Variants in EYS observed in about 807,000 individuals in gnomAD.
The protein encoded by EYS is EGF-like photoreceptor maintenance factor.
Under a neutral mutation model 282.1 loss-of-function variants are expected in EYS, and 250 were observed. The observed-to-expected ratio is 0.89, with a 90% CI of 0.80 to 0.98. EYS has a LOEUF of 0.98. Among genes scored for constraint, EYS ranks in the 50% least tolerant of loss-of-function variants. The pLI, the probability that EYS is intolerant of heterozygous loss-of-function variation, is 0.00. For synonymous variants in EYS, 1,355 were observed against 1,282.9 expected, an observed-to-expected ratio of 1.06 and a Z score of -1.20; for missense variants, 4,016 against 3,709.0, an observed-to-expected ratio of 1.08 and a Z score of -2.15.
chr6:64,874,716 A>T (rs1766691629), intron 19 of EYS, among the ~76,000 whole-genome samples: 1 of 152,128 alleles, frequency 6.6e-6, no homozygotes, highest in South Asian at 2.1e-4. Context: ...AAAGTTAATA[A>T]CATATAATCA....
intron 35 of EYS, among the ~76,000 whole-genome samples, chr6:63,924,895 G>A (rs1049323126): frequency 1.3e-5 from 2 of 152,162 alleles, no homozygotes; most frequent in African/African-American, 4.8e-5. Flanking sequence ...TCATCACTAT[G>A]TTTGTTGGTG....
At chr6:64,999,215 T>C (rs962044368) in intron 13 of EYS, among the ~76,000 whole-genome samples, 2 of 152,162 alleles carry the variant, frequency 1.3e-5, no homozygotes, top group African/African-American at 4.8e-5. Flanking sequence ...GGAAATCGGA[T>C]ACTGCAAAGA....
chr6:65,521,468 G>T (rs1767370629), intron 2 of EYS, among the ~76,000 whole-genome samples: 1 of 152,046 alleles, frequency 6.6e-6, no homozygotes, highest in Non-Finnish European at 1.5e-5. Flanking sequence ...TAGAAAGTTA[G>T]TAAATTTATT....
At chr6:65,587,670 T>C (rs1439506644) in intron 2 of EYS, among the ~76,000 whole-genome samples, 1 of 152,038 alleles carries the variant, frequency 6.6e-6, no homozygotes, top group African/African-American at 2.4e-5. Context: ...AAGGCGAACA[T>C]AAATCCCTTT....
At chr6:65,529,911 C>A (rs141657891) in intron 2 of EYS, among the ~76,000 whole-genome samples, 13 of 152,172 alleles carry the variant, frequency 8.5e-5, no homozygotes, top group Admixed American at 7.2e-4. Context: ...GGAATTCCAG[C>A]CTCTAGAAGT....
At chr6:65,175,697 A>G (rs1316883612) in intron 12 of EYS, among the ~76,000 whole-genome samples, 13 of 151,508 alleles carry the variant, frequency 8.6e-5, no homozygotes, top group Non-Finnish European at 1.5e-5. Flanking sequence ...TAACAAGTGG[A>G]CTTGAGATCA....
At chr6:65,118,846 T>C (rs1180477516) in intron 12 of EYS, among the ~76,000 whole-genome samples, 1 of 149,748 alleles carries the variant, frequency 6.7e-6, no homozygotes, top group Non-Finnish European at 1.5e-5. Flanking sequence ...TTGAAATGAC[T>C]GCAAATAAAC....
intron 1 of EYS, among the ~76,000 whole-genome samples, chr6:65,696,077 A>T (rs1769445533): frequency 6.6e-6 from 1 of 152,014 alleles, no homozygotes; most frequent in Admixed American, 6.6e-5. Context: ...TTTCCTACTC[A>T]GCAATCCTAT....
Position 63,894,708 on chromosome 6 carries a change from T to G in EYS, c.7056-30350A>C, listed in dbSNP as rs372056670. Among the ~76,000 whole-genome samples, 12 of 151,862 alleles carry G rather than the reference T, an allele frequency of 7.9e-5. No homozygotes were observed. In the East Asian group the frequency reaches 2.3e-3, roughly 30 times the overall value. ...GCGATTCCCCTGCCTCAGCCTCCCATGTAGCTGGCACTACAAGGGCCCGCC... is the reference window on the plus strand; with the variant it reads ...GCGATTCCCCTGCCTCAGCCTCCCAGGTAGCTGGCACTACAAGGGCCCGCC... On this transcript the variant is annotated intron_variant, in intron 35 of 42. Coordinates refer to ENST00000503581, the MANE Select transcript of EYS (RefSeq NM_001142800.2).
intron 12 of EYS, among the ~76,000 whole-genome samples, chr6:65,236,557 G>A (rs909677801): frequency 5.3e-5 from 8 of 152,020 alleles, no homozygotes; most frequent in African/African-American, 1.4e-4. Flanking sequence ...GCAGTGAGCC[G>A]AGATTGCACC....
intron 11 of EYS, among the ~76,000 whole-genome samples, chr6:65,300,051 T>C (rs1768774544): frequency 6.6e-6 from 1 of 152,236 alleles, no homozygotes; most frequent in South Asian, 2.1e-4. Flanking sequence ...AGAACATTTT[T>C]GTTTTCCTGG....
At chr6:64,934,262 C>T (rs1392411558) in intron 15 of EYS, among the ~76,000 whole-genome samples, 1 of 151,378 alleles carries the variant, frequency 6.6e-6, no homozygotes, top group African/African-American at 2.4e-5. Context: ...GTCTGAGGAT[C>T]ATCAGAAAAA....
chr6:63,747,599 C>T (rs1397280139), intron 41 of EYS, among the ~76,000 whole-genome samples: 1 of 152,110 alleles, frequency 6.6e-6, no homozygotes, highest in Non-Finnish European at 1.5e-5. Flanking sequence ...TTGCAGGGCT[C>T]TAAGAACTTG....
chr6:64,037,760 T>C (rs1162685703), intron 33 of EYS, among the ~76,000 whole-genome samples: 2 of 152,182 alleles, frequency 1.3e-5, no homozygotes, highest in Non-Finnish European at 2.9e-5. Flanking sequence ...ATTTCTGATT[T>C]TTCACCTCCT....
intron 35 of EYS, among the ~76,000 whole-genome samples, chr6:63,911,634 TG>T (rs1764252680): frequency 6.6e-6 from 1 of 152,248 alleles, no homozygotes; most frequent in South Asian, 2.1e-4. Flanking sequence ...GGTCATTCCT[TG>T]TTAGATATTA....
At chr6:63,837,345 C>T (rs1163694194) in intron 36 of EYS, among the ~76,000 whole-genome samples, 1 of 151,818 alleles carries the variant, frequency 6.6e-6, no homozygotes, top group Non-Finnish European at 1.5e-5. Context: ...TTTCTTGCTG[C>T]ATGGATAAAA....
At chr6:65,161,176 T>G (rs1764842607) in intron 12 of EYS, among the ~76,000 whole-genome samples, 1 of 151,080 alleles carries the variant, frequency 6.6e-6, no homozygotes, top group African/African-American at 2.4e-5. Flanking sequence ...CTTCCTATGA[T>G]TCCCCCAGTA....
chr6:65,573,822 C>G (rs1764563382), intron 2 of EYS, among the ~76,000 whole-genome samples: 2 of 152,146 alleles, frequency 1.3e-5, no homozygotes, highest in Non-Finnish European at 2.9e-5. Flanking sequence ...CATTCCCATT[C>G]TCATCTTCTC....
intron 41 of EYS, among the ~76,000 whole-genome samples, chr6:63,734,303 A>G (rs940472242): frequency 6.6e-6 from 1 of 152,198 alleles, no homozygotes. Flanking sequence ...GTGTAGAAAC[A>G]TGACAGACCA....
Sources: allele counts gnomAD v4.1 joint callset (sites outside exome capture counted in the v4.1 genomes callset), GRCh38; gene constraint gnomAD v4.1.1; transcripts MANE v1.5; gene names NCBI Gene and HGNC (gene_info 2026-07-23, HGNC 2026-07-21).